Variants in ACTN3 observed in about 807,000 individuals in gnomAD.
ACTN3 encodes the protein alpha-actinin-3.
ACTN3 carries 91 observed loss-of-function variants against 119.6 expected under a neutral mutation model. The observed-to-expected ratio is 0.76, with a 90% CI of 0.64 to 0.91. ACTN3 has a LOEUF of 0.91. Among genes scored for constraint, ACTN3 ranks in the 40% least tolerant of loss-of-function variants. The pLI, the probability that ACTN3 is intolerant of heterozygous loss-of-function variation, is 0.00. For synonymous variants in ACTN3, 456 were observed against 478.8 expected (o/e 0.95, Z 0.62); for missense variants, 1,221 against 1,215.1 (o/e 1.00, Z -0.07).
intron 3 of ACTN3, 178 bp downstream of exon 3, chr11:66,551,825 C>T (rs1440679213): frequency 5.5e-6 from 3 of 542,178 alleles, no homozygotes; most frequent in Non-Finnish European, 7.1e-6. Flanking sequence ...CCTGTAATCT[C>T]GGCACTTTGG....
chr11:66,556,114 G>C, intron 7 of ACTN3, 31 bp from the exon 8 acceptor site: 1 of 1,595,056 alleles, frequency 6.3e-7, no homozygotes, highest in Non-Finnish European at 8.6e-7. Flanking sequence ...CCCTGGCTTT[G>C]GCCAGTAGAC....
upstream of ACTN3, chr11:66,546,652 G>A (rs1322268582): frequency 3.9e-6 from 6 of 1,529,864 alleles, no homozygotes; most frequent in African/African-American, 6.9e-5. Flanking sequence ...GACTCAGAGA[G>A]GTCCCGTGGA....
chr11:66,557,772 A>C lies in ACTN3; in HGVS notation c.971A>C (p.Gln324Pro). 1 of 1,613,790 alleles carries C rather than the reference A, an allele frequency of 6.2e-7. No homozygotes were observed. Among genetic ancestry groups the C allele is most frequent in the Non-Finnish European group, 8.5e-7 (1 of 1,179,880 alleles). The change falls in exon 10 of 21, where the codon CAG becomes CCG. Residue 324 changes from glutamine to proline, a missense_variant. Coordinates refer to ENST00000513398, the MANE Select transcript of ACTN3 (RefSeq NM_001104.4). ...GGTGAGCCCAGCATGAGTGCCATGCAGCGCAAACTAGAGGACTTTCGGGAC... is the reference window on the plus strand; with the variant it reads ...GGTGAGCCCAGCATGAGTGCCATGCCGCGCAAACTAGAGGACTTTCGGGAC... ...RVGEPSMSAM[Q>P]RKLEDFRDYR...
At position 66,563,301 on chromosome 11, in the gene ACTN3, T is replaced by C. The variant is rs1857843907; in HGVS notation, c.*108T>C. 1.5e-6 allele frequency: 2 copies of C among 1,366,770 alleles called. No individual in the cohort carries two copies. Among genetic ancestry groups the C allele is most frequent in the East Asian group, 4.8e-5 (2 of 41,292 alleles). 84.7% of individuals were successfully genotyped at this position (1,366,770 alleles called of 1,614,324 possible). On this transcript the variant is annotated 3_prime_UTR_variant, in exon 21 of 21. Coordinates refer to ENST00000513398, the MANE Select transcript of ACTN3 (RefSeq NM_001104.4). ...CTAAGAGAAAAGCCAGCCAAGTGCT[T>C]CTGAATAAAGATCCCTCTCTGGGTC...
At chr11:66,554,705 G>GCCCTT in intron 5 of ACTN3, 82 bp downstream of exon 5, 23 of 1,148,100 alleles carry the variant, frequency 2.0e-5, no homozygotes, top group African/African-American at 3.1e-5. Flanking sequence ...TCAGTGAAGG[G>GCCCTT]CACTGAGCTG....
In ACTN3 at chr11:66,560,254, T is replaced by A. The variant is rs1590810952; in HGVS notation, c.1620T>A (p.Asp540Glu). Residue 540 changes from aspartate (D) to glutamate (E), a missense_variant, in exon 14 of 21, where the codon GAT (aspartate) becomes GAA (glutamate). Around this residue, in one of 3 missense-constraint regions of ACTN3, gnomAD observed 934 missense variants for 899.9 expected, o/e 1.04. Coordinates refer to ENST00000513398, the MANE Select transcript of ACTN3 (RefSeq NM_001104.4). ...CCGCGCCCTTCAACAACTGGCTGGA[T>A]GGTGCCGTGGAGGACCTGCAGGACG... ...RRAAPFNNWL[D>E]GAVEDLQDVW... 1.2e-6 allele frequency: 2 copies of A among 1,613,150 alleles called. No homozygotes were observed. The highest frequency in any genetic ancestry group is 2.7e-5 in the African/African-American group (2 of 74,922).
Position 66,561,608 on chromosome 11 carries a change from G to A in ACTN3, c.2146G>A (p.Asp716Asn), listed in dbSNP as rs191891560. 1.2e-5 allele frequency: 20 copies of A among 1,612,754 alleles called. No individual in the cohort carries two copies. The highest frequency in any genetic ancestry group is 3.3e-5 in the Admixed American group (2 of 59,912). ...GCTGCTGCAGGAGAGCCTGGTGTTC[G>A]ACAATAAGCACACCGTCTACAGCAT... Reference protein sequence around the residue: ...HQLLQESLVFDNKHTVYSMEH... With the variant: ...HQLLQESLVFNNKHTVYSMEH... The change falls in exon 17 of 21, where the codon GAC becomes AAC. Residue 716 changes from aspartate (D) to asparagine (N), a missense_variant. Coordinates refer to ENST00000513398, the MANE Select transcript of ACTN3 (RefSeq NM_001104.4).
At chr11:66,548,982 T>A (rs566328478) in intron 1 of ACTN3, among the ~76,000 whole-genome samples, 1 of 152,260 alleles carries the variant, frequency 6.6e-6, no homozygotes, top group East Asian at 1.9e-4. Flanking sequence ...GCATGGACAG[T>A]TCTGCCCACC....
intron 6 of ACTN3, 22 bp from the exon 7 acceptor site, chr11:66,555,264 C>T (rs754898412): frequency 8.5e-5 from 137 of 1,613,902 alleles, no homozygotes; most frequent in Non-Finnish European, 1.1e-4. Flanking sequence ...ACCTTTCACC[C>T]TCCTCCCTTA....
At chr11:66,559,096 C>T (rs1478102377) in intron 11 of ACTN3, 140 bp from the exon 12 acceptor site, 2 of 873,856 alleles carry the variant, frequency 2.3e-6, no homozygotes, top group East Asian at 3.2e-5. Context: ...ATTACACCGA[C>T]GCCGCAGAGC....
chr11:66,557,769 T>C lies in ACTN3; in HGVS notation c.968T>C (p.Met323Thr), dbSNP rs1857623065. Residue 323 changes from methionine to threonine, a missense_variant, in exon 10 of 21, where the codon ATG becomes ACG. Met to Thr is a moderately conservative substitution (Grantham distance 81). Transcript: ENST00000513398. The stretch of plus-strand genomic sequence containing the variant: ...GTGGGTGAGCCCAGCATGAGTGCCA[T>C]GCAGCGCAAACTAGAGGACTTTCGG... ...NRVGEPSMSAMQRKLEDFRDY... is the reference protein window; with the variant it reads ...NRVGEPSMSATQRKLEDFRDY... 1.9e-6 allele frequency: 3 copies of C among 1,613,710 alleles called. No individual in the cohort carries two copies. The highest frequency in any genetic ancestry group is 1.7e-6 in the Non-Finnish European group (2 of 1,179,916).
chr11:66,554,060 A>T lies in ACTN3; in HGVS notation c.398A>T (p.Asn133Ile), dbSNP rs1291398877. The part of the protein sequence containing the change: ...SIGAEEIVDG[N>I]LKMTLGMIWT... Reference sequence around the variant, plus strand: ...TGCCCTGCAGAGATTGTTGACGGGAACCTGAAGATGACCCTGGGCATGATC... The same window carrying T: ...TGCCCTGCAGAGATTGTTGACGGGATCCTGAAGATGACCCTGGGCATGATC... Residue 133 changes from asparagine (N) to isoleucine (I), a missense_variant, in exon 4 of 21, where the codon AAC (asparagine) becomes ATC (isoleucine). Transcript: ENST00000513398. 6.2e-7 allele frequency: 1 copy of T among 1,613,746 alleles called. No individual in the cohort carries two copies. Among genetic ancestry groups the T allele is most frequent in the South Asian group, 1.1e-5 (1 of 91,064 alleles).
intron 3 of ACTN3, among the ~76,000 whole-genome samples, chr11:66,553,749 A>G (rs576621000): frequency 6.7e-6 from 1 of 149,468 alleles, no homozygotes; most frequent in African/African-American, 2.5e-5. Context: ...GGGCGCCTGT[A>G]GTCCCAGCTA....
At chr11:66,551,381 GC>G in intron 2 of ACTN3, 28 bp downstream of exon 2, 1 of 1,583,342 alleles carries the variant, frequency 6.3e-7, no homozygotes. Flanking sequence ...GTGCACCTGG[GC>G]CCCAGGACCC....
At position 66,562,280 on chromosome 11, in the gene ACTN3, T is replaced by A; in HGVS notation, c.2346T>A (p.Pro782=). Residue 782 remains proline, a synonymous_variant, in exon 19 of 21, where the codon CCT becomes CCA. Coordinates refer to ENST00000513398, the MANE Select transcript of ACTN3 (RefSeq NM_001104.4). ...AGAAGCAGAATGGGATGATGGAGCC[T>A]GATGACTTCCGAGCTTGCCTCATCT... ...FDRKQNGMME[P]DDFRACLISM... 1 of 1,613,658 alleles carries A rather than the reference T, an allele frequency of 6.2e-7. No individual in the cohort carries two copies.
chr11:66,549,302 C>T (rs898446346), intron 1 of ACTN3, among the ~76,000 whole-genome samples: 2 of 152,196 alleles, frequency 1.3e-5, no homozygotes, highest in African/African-American at 4.8e-5. Context: ...CAAATACTCG[C>T]CTTCCCCAAG....
In ACTN3 at chr11:66,551,376, C is replaced by T. The variant is rs755035281; in HGVS notation, c.262+23C>T. 5.7e-6 allele frequency: 9 copies of T among 1,587,524 alleles called. No homozygotes were observed. In the South Asian group the frequency reaches 9.1e-5, roughly 16 times the overall value. ...CAGGTGAGGATGGCAAATCAGTGCA[C>T]CTGGGCCCCAGGACCCAGGAACATC... On this transcript the variant is annotated intron_variant, in intron 2 of 20. Coordinates refer to ENST00000513398, the MANE Select transcript of ACTN3 (RefSeq NM_001104.4).
chr11:66,563,162 C>G lies in ACTN3; in HGVS notation c.2675C>G (p.Ser892Cys), dbSNP rs776862660. 2 of 1,612,078 alleles carry G rather than the reference C, an allele frequency of 1.2e-6. No homozygotes were observed. The highest frequency in any genetic ancestry group is 2.7e-5 in the African/African-American group (2 of 74,870). The change falls in exon 21 of 21, where the codon TCC (serine) becomes TGC (cysteine). Residue 892 changes from serine to cysteine, a missense_variant. Physicochemically the swap from Ser to Cys is moderately radical, Grantham distance 112. This residue lies in a region of ACTN3 where 934 missense variants were observed against 899.9 expected (regional missense o/e 1.04). Coordinates refer to ENST00000513398, the MANE Select transcript of ACTN3 (RefSeq NM_001104.4). ...GGAGCCCTGGACTACGTGGCCTTCT[C>G]CAGTGCCCTCTATGGGGAGAGCGAC... ...PAGALDYVAFSSALYGESDL is the reference protein window; with the variant it reads ...PAGALDYVAFCSALYGESDL
chr11:66,551,717 G>A, intron 3 of ACTN3, 70 bp downstream of exon 3: 1 of 1,586,096 alleles, frequency 6.3e-7, no homozygotes, highest in East Asian at 2.3e-5. Flanking sequence ...AATCACCTCT[G>A]TGAGCCTCAG....
Sources: gnomAD v4.1 joint callset for allele counts (sites outside exome capture counted in the v4.1 genomes callset) on GRCh38, gnomAD v4.1.1 for gene constraint, gnomAD v4.1.1 regional missense constraint, MANE v1.5 for transcripts, NCBI Gene and HGNC (gene_info 2026-07-23, HGNC 2026-07-21) for gene names.